The following GMPS variants were observed in gnomAD, a reference collection of about 807,000 sequenced individuals.
GMPS encodes the protein guanosine monophosphate synthase.
Under a neutral mutation model 77.9 loss-of-function variants are expected in GMPS, and 15 were observed. That is an observed-to-expected ratio of 0.19 (90% CI 0.13 to 0.30). The LOEUF is 0.30. Among genes scored for constraint, GMPS ranks in the 10% least tolerant of loss-of-function variants. The pLI is 1.00. For synonymous variants in GMPS, 224 were observed against 275.9 expected, an observed-to-expected ratio of 0.81 and a Z score of 1.86; for missense variants, 590 against 838.8, an observed-to-expected ratio of 0.70 and a Z score of 3.66.
intron 1 of GMPS, among the ~76,000 whole-genome samples, chr3:155,878,840 G>T (rs976208106): frequency 2.0e-5 from 3 of 152,002 alleles, no homozygotes; most frequent in African/African-American, 4.8e-5. Context: ...CCTGAGAATC[G>T]GGAGTCCATG....
At chr3:155,910,182 G>T (rs1405590774) in intron 5 of GMPS, among the ~76,000 whole-genome samples, 1 of 152,176 alleles carries the variant, frequency 6.6e-6, no homozygotes, top group African/African-American at 2.4e-5. Context: ...GAAGGCAGAG[G>T]TGACAAGTGA....
intron 1 of GMPS, among the ~76,000 whole-genome samples, chr3:155,872,639 A>AT (rs1036376722): frequency 6.6e-6 from 1 of 151,960 alleles, no homozygotes; most frequent in African/African-American, 2.4e-5. Context: ...CCTAACTGGT[A>AT]TTTTTTCTTT....
chr3:155,899,637 T>G (rs1560042364), intron 3 of GMPS, among the ~76,000 whole-genome samples: 1 of 152,164 alleles, frequency 6.6e-6, no homozygotes. Context: ...TTAGTTTAGA[T>G]TAGTGTTCAT....
intron 12 of GMPS, among the ~76,000 whole-genome samples, chr3:155,928,725 C>T (rs1207928017): frequency 1.3e-4 from 17 of 131,028 alleles, no homozygotes; most frequent in East Asian, 5.0e-4. Context: ...TGTGATATTC[C>T]CCTTCCTGTG....
intron 13 of GMPS, among the ~76,000 whole-genome samples, chr3:155,932,757 T>A (rs1560054478): frequency 6.6e-6 from 1 of 152,188 alleles, no homozygotes; most frequent in Non-Finnish European, 1.5e-5. Context: ...GCAGAGTCTG[T>A]ATAGTTCGAG....
chr3:155,917,319 T>G (rs1218478343), intron 9 of GMPS, among the ~76,000 whole-genome samples: 1 of 152,172 alleles, frequency 6.6e-6, no homozygotes, highest in Non-Finnish European at 1.5e-5. Context: ...GTTAGGTGTA[T>G]TCACATTGTT....
At chr3:155,894,680 T>C (rs551465753) in intron 2 of GMPS, among the ~76,000 whole-genome samples, 8 of 152,348 alleles carry the variant, frequency 5.3e-5, no homozygotes, top group African/African-American at 1.9e-4. Context: ...AATTTTATTT[T>C]TCTTAAAAGA....
At chr3:155,878,114 G>A (rs1754102978) in intron 1 of GMPS, among the ~76,000 whole-genome samples, 1 of 152,044 alleles carries the variant, frequency 6.6e-6, no homozygotes, top group Admixed American at 6.5e-5. Flanking sequence ...CTATCCGTGT[G>A]GGCTCTGCCC....
At chr3:155,887,694 T>G (rs1279712419) in intron 1 of GMPS, among the ~76,000 whole-genome samples, 2 of 152,194 alleles carry the variant, frequency 1.3e-5, no homozygotes, top group African/African-American at 4.8e-5. Flanking sequence ...TTCTTGGATG[T>G]GATAATGATA....
intron 1 of GMPS, among the ~76,000 whole-genome samples, chr3:155,888,805 G>A (rs544436259): frequency 1.3e-3 from 203 of 152,034 alleles, no homozygotes; most frequent in African/African-American, 4.8e-3. Context: ...GGCTGGTCTC[G>A]AACTCCTGAC....
intron 1 of GMPS, among the ~76,000 whole-genome samples, chr3:155,872,834 A>G (rs928334246): frequency 1.3e-5 from 2 of 152,230 alleles, no homozygotes; most frequent in Admixed American, 6.5e-5. Context: ...TGGAGAATTA[A>G]TATATTTCAT....
At position 155,870,668 on chromosome 3, in the gene GMPS, C is replaced by T; in HGVS notation, c.-203C>T. ...CGGGGGCAGCGTGCGCGCTGCTGGT[C>T]TTCTCTCCCGCGGCGCTGGGGCCCG... is the stretch of plus-strand genomic sequence containing the variant. On this transcript the variant is annotated 5_prime_UTR_variant, in exon 1 of 16. Transcript: ENST00000496455. 2.0e-6 allele frequency: 1 copy of T among 499,356 alleles called. No individual in the cohort carries two copies. The highest frequency in any genetic ancestry group is 3.6e-6 in the Non-Finnish European group (1 of 281,242). 30.9% of individuals were successfully genotyped at this position (499,356 alleles called of 1,614,324 possible).
chr3:155,927,372 G>C (rs1755483145), intron 12 of GMPS, among the ~76,000 whole-genome samples: 1 of 152,188 alleles, frequency 6.6e-6, no homozygotes, highest in South Asian at 2.1e-4. Context: ...TTCAACGTCT[G>C]TGTGCTAACT....
chr3:155,871,275 G>T (rs1242776347), intron 1 of GMPS, among the ~76,000 whole-genome samples: 1 of 151,856 alleles, frequency 6.6e-6, no homozygotes, highest in Non-Finnish European at 1.5e-5. Flanking sequence ...GGGCTTCCTC[G>T]GCTCCCACCC....
In GMPS at chr3:155,914,524, C is replaced by T; in HGVS notation, c.992C>T (p.Thr331Ile). ...ATTAGCAAAACGTTAAATATGACCA[C>T]AAGTCCTGAAGAGAAAAGAAAAATC... ...KRISKTLNMT[T>I]SPEEKRKIIG... Residue 331 changes from threonine to isoleucine, a missense_variant, in exon 8 of 16, where the codon ACA becomes ATA. By Grantham distance (89) the Thr-to-Ile change is moderately conservative (BLOSUM62 -1). Coordinates refer to ENST00000496455, the MANE Select transcript of GMPS (RefSeq NM_003875.3). 2 of 1,603,488 alleles carry T rather than the reference C, an allele frequency of 1.2e-6. No individual in the cohort carries two copies. The highest frequency in any genetic ancestry group is 2.3e-5 in the East Asian group (1 of 44,318).
At chr3:155,931,049 C>T in intron 12 of GMPS, among the ~76,000 whole-genome samples, 1 of 152,064 alleles carries the variant, frequency 6.6e-6, no homozygotes, top group East Asian at 1.9e-4. Flanking sequence ...TGGTCTCAAA[C>T]TTCTGGGCTC....
At chr3:155,887,615 T>A (rs191834173) in intron 1 of GMPS, among the ~76,000 whole-genome samples, 2 of 152,338 alleles carry the variant, frequency 1.3e-5, no homozygotes, top group Admixed American at 6.5e-5. Context: ...TGGAATTTTT[T>A]AAAAACCATA....
rs891981055 is a variant in GMPS, at chr3:155,938,077, C to T, written c.*385C>T. 34 of 240,498 alleles carry T rather than the reference C, an allele frequency of 1.4e-4. No individual in the cohort carries two copies. Among genetic ancestry groups the T allele is most frequent in the Admixed American group, 6.8e-4 (13 of 19,144 alleles). The allele number at this position is 240,498 out of a possible 1,614,324, so 14.9% of individuals were successfully genotyped here. A position where few individuals can be genotyped will look rare whatever the true frequency, so the allele number is the denominator to read the frequency against. On this transcript the variant is annotated 3_prime_UTR_variant, in exon 16 of 16. Coordinates refer to ENST00000496455, the MANE Select transcript of GMPS (RefSeq NM_003875.3). Reference sequence around the variant, plus strand: ...AACTGTTAGAAACGCCCATTATTTACCAGTGTTACTTACTACTTATATATA... The same window carrying T: ...AACTGTTAGAAACGCCCATTATTTATCAGTGTTACTTACTACTTATATATA...
At position 155,943,188 on chromosome 3, in the gene GMPS, G is replaced by T. The variant is rs530436481; in HGVS notation, c.*5496G>T. 1 of 178,072 alleles carries T rather than the reference G, an allele frequency of 5.6e-6. No individual in the cohort carries two copies. 11.0% of individuals were successfully genotyped at this position (178,072 alleles called of 1,614,324 possible). ...GGAGGTTGCAGTGAGCAGAGATTGC[G>T]CCACTGCACTCCAGCCTAGGTGACA... On this transcript the variant is annotated 3_prime_UTR_variant, in exon 16 of 16. Coordinates refer to ENST00000496455, the MANE Select transcript of GMPS (RefSeq NM_003875.3).
Sources: allele counts gnomAD v4.1 joint callset (sites outside exome capture counted in the v4.1 genomes callset), GRCh38; gene constraint gnomAD v4.1.1; transcripts MANE v1.5; gene names NCBI Gene and HGNC (gene_info 2026-07-23, HGNC 2026-07-21).